The following LRRTM4 variants were observed in gnomAD, a reference collection of about 807,000 sequenced individuals.
The protein encoded by LRRTM4 is leucine rich repeat transmembrane neuronal 4.
A neutral mutation model predicts 47.6 loss-of-function variants in LRRTM4; 25 were observed. That is an observed-to-expected ratio of 0.53 (90% confidence interval 0.38 to 0.73). The LOEUF (loss-of-function observed/expected upper bound fraction) is 0.73. Ranked by LOEUF, LRRTM4 falls within the 30% of genes least tolerant of loss-of-function variation. The pLI, the probability that LRRTM4 is intolerant of heterozygous loss-of-function variation, is 0.00. For missense variants in LRRTM4, 638 were observed against 713.4 expected, an observed-to-expected ratio of 0.89 and a Z score of 1.20; for synonymous variants, 311 against 269.5, an observed-to-expected ratio of 1.15 and a Z score of -1.51.
chr2:77,014,788 G>A (rs1407705951), intron 3 of LRRTM4, among the ~76,000 whole-genome samples: 1 of 151,940 alleles, frequency 6.6e-6, no homozygotes, highest in Admixed American at 6.6e-5. Context: ...CTGCAGCATG[G>A]GGGACAGAGT....
chr2:77,270,533 T>C (rs1294408107), intron 3 of LRRTM4, among the ~76,000 whole-genome samples: 1 of 152,164 alleles, frequency 6.6e-6, no homozygotes, highest in Non-Finnish European at 1.5e-5. Context: ...TAGGAGAAAA[T>C]GTCTGCTCCT....
intron 3 of LRRTM4, among the ~76,000 whole-genome samples, chr2:77,233,996 C>T (rs1360725366): frequency 6.6e-6 from 1 of 152,076 alleles, no homozygotes; most frequent in Admixed American, 6.6e-5. Flanking sequence ...GGGATATCAC[C>T]GTGTTGGCCA....
At chr2:77,330,317 G>C (rs1670923369) in intron 3 of LRRTM4, among the ~76,000 whole-genome samples, 1 of 152,040 alleles carries the variant, frequency 6.6e-6, no homozygotes, top group South Asian at 2.1e-4. Context: ...GTGCCCACAT[G>C]GTTCAAATGA....
chr2:77,444,610 T>G (rs886760210), intron 3 of LRRTM4, among the ~76,000 whole-genome samples: 1 of 152,050 alleles, frequency 6.6e-6, no homozygotes, highest in Non-Finnish European at 1.5e-5. Context: ...ATATCATTGT[T>G]GTAACTTGGG....
At chr2:77,392,599 G>T (rs759047455) in intron 3 of LRRTM4, among the ~76,000 whole-genome samples, 30 of 152,114 alleles carry the variant, frequency 2.0e-4, no homozygotes, top group Admixed American at 3.9e-4. Context: ...TGACATTATG[G>T]TAAGGGAAAT....
intron 3 of LRRTM4, among the ~76,000 whole-genome samples, chr2:77,157,790 C>G (rs1558609828): frequency 6.6e-6 from 1 of 152,066 alleles, no homozygotes; most frequent in Non-Finnish European, 1.5e-5. Context: ...TGAGTGTGAT[C>G]AGGACTCTAG....
intron 3 of LRRTM4, among the ~76,000 whole-genome samples, chr2:76,903,199 G>A (rs768340001): frequency 1.5e-4 from 23 of 151,836 alleles, no homozygotes; most frequent in African/African-American, 5.3e-4. Context: ...GTGAAACCCC[G>A]TCTCTACTAA....
intron 3 of LRRTM4, among the ~76,000 whole-genome samples, chr2:77,379,059 T>C (rs942105492): frequency 1.3e-5 from 2 of 152,196 alleles, no homozygotes; most frequent in South Asian, 4.1e-4. Context: ...TTAATCTTTA[T>C]ATATTTCAGA....
chr2:76,772,439 T>C (rs1207100805), intron 3 of LRRTM4, among the ~76,000 whole-genome samples: 1 of 152,184 alleles, frequency 6.6e-6, no homozygotes, highest in Non-Finnish European at 1.5e-5. Context: ...CTGAGCAATG[T>C]CTAAATAAAA....
intron 3 of LRRTM4, among the ~76,000 whole-genome samples, chr2:76,837,179 T>G (rs1021357383): frequency 3.3e-5 from 5 of 152,148 alleles, no homozygotes; most frequent in African/African-American, 1.2e-4. Context: ...ATAGAGGTGT[T>G]TGTAGTATTC....
chr2:77,413,790 A>G (rs760173053), intron 3 of LRRTM4, among the ~76,000 whole-genome samples: 2 of 152,120 alleles, frequency 1.3e-5, no homozygotes, highest in Non-Finnish European at 2.9e-5. Flanking sequence ...TATGGACATA[A>G]GTTTCATAAG....
intron 3 of LRRTM4, among the ~76,000 whole-genome samples, chr2:77,447,581 T>C (rs1243301275): frequency 1.3e-5 from 2 of 152,158 alleles, no homozygotes; most frequent in Non-Finnish European, 1.5e-5. Flanking sequence ...CATTCTAACA[T>C]CTGCATCCAC....
intron 3 of LRRTM4, among the ~76,000 whole-genome samples, chr2:77,387,453 A>T (rs1673322478): frequency 6.6e-6 from 1 of 152,110 alleles, no homozygotes; most frequent in Non-Finnish European, 1.5e-5. Flanking sequence ...CAGGTTTGCT[A>T]GCAGCCCTCT....
intron 3 of LRRTM4, among the ~76,000 whole-genome samples, chr2:77,320,861 G>C (rs987293025): frequency 1.3e-5 from 2 of 151,734 alleles, no homozygotes; most frequent in African/African-American, 4.8e-5. Context: ...TATAAACATA[G>C]AACATTTAAA....
At position 77,445,115 on chromosome 2, in the gene LRRTM4, A is replaced by G. The variant is rs937753086; in HGVS notation, c.1551+73203T>C. Among the ~76,000 whole-genome samples, 7 of 152,112 alleles carry G rather than the reference A, an allele frequency of 4.6e-5. 1 individual carries two copies. The highest frequency in any genetic ancestry group is 5.9e-5 in the Non-Finnish European group (4 of 67,936). Reference sequence around the variant, plus strand: ...AGCATCTTCTATAAGGCAATTGTGTATGATTAAAGACAATAGATGCTAGCA... The same window carrying G: ...AGCATCTTCTATAAGGCAATTGTGTGTGATTAAAGACAATAGATGCTAGCA... On this transcript the variant is annotated intron_variant, in intron 3 of 3. Transcript: ENST00000409884.
intron 3 of LRRTM4, among the ~76,000 whole-genome samples, chr2:76,780,838 C>CT (rs1674338765): frequency 6.6e-6 from 1 of 151,284 alleles, no homozygotes; most frequent in Admixed American, 6.6e-5. Flanking sequence ...AGGTGCTCTG[C>CT]TTTTCAGAGT....
chr2:77,264,191 A>G (rs1675991395), intron 3 of LRRTM4, among the ~76,000 whole-genome samples: 1 of 152,044 alleles, frequency 6.6e-6, no homozygotes, highest in African/African-American at 2.4e-5. Flanking sequence ...GGAGGCTGGA[A>G]ATCTAAGGAC....
At chr2:77,279,748 C>T (rs562788507) in intron 3 of LRRTM4, among the ~76,000 whole-genome samples, 38 of 151,766 alleles carry the variant, frequency 2.5e-4, no homozygotes, top group Non-Finnish European at 5.2e-4. Flanking sequence ...TCAACAATTT[C>T]GACTTACAGA....
chr2:76,990,266 C>T (rs1409386355), intron 3 of LRRTM4, among the ~76,000 whole-genome samples: 2 of 151,734 alleles, frequency 1.3e-5, no homozygotes, highest in Non-Finnish European at 2.9e-5. Context: ...TACAAAATGA[C>T]CAGCTAACAA....
Sources: allele counts gnomAD v4.1 joint callset (sites outside exome capture counted in the v4.1 genomes callset), GRCh38; gene constraint gnomAD v4.1.1; transcripts MANE v1.5; gene names NCBI Gene and HGNC (gene_info 2026-07-23, HGNC 2026-07-21).